Variants in NTM observed in about 807,000 individuals in gnomAD.
The protein encoded by NTM is IgLON family member 2.
In NTM, 13 loss-of-function variants were observed where a neutral mutation model predicts 42.1. The ratio of observed to expected loss-of-function variants is 0.31; its 90% CI spans 0.20 to 0.49. NTM has a LOEUF of 0.49. Ranked by LOEUF, NTM falls within the 20% of genes least tolerant of loss-of-function variation. NTM has a pLI of 0.99. For missense variants in NTM, 373 were observed against 452.8 expected, an observed-to-expected ratio of 0.82 and a Z score of 1.60; for synonymous variants, 187 against 179.2, an observed-to-expected ratio of 1.04 and a Z score of -0.35.
chr11:131,726,593 TCTC>T (rs1173663742), intron 1 of NTM, among the ~76,000 whole-genome samples: 6 of 151,160 alleles, frequency 4.0e-5, no homozygotes, highest in Admixed American at 2.6e-4. Context: ...AGCCCTAAAA[TCTC>T]CTCAGCCATC....
intron 4 of NTM, among the ~76,000 whole-genome samples, chr11:132,275,276 A>G (rs2093660843): frequency 1.3e-5 from 2 of 152,112 alleles, no homozygotes; most frequent in African/African-American, 4.8e-5. Context: ...GTCATCCTAG[A>G]ACGTGTATTG....
intron 1 of NTM, among the ~76,000 whole-genome samples, chr11:131,629,482 GGTGAAGAAAT>G (rs1010968683): frequency 3.3e-5 from 5 of 152,136 alleles, no homozygotes; most frequent in Admixed American, 6.5e-5. Flanking sequence ...GCAGCTATAT[GGTGAAGAAAT>G]GTACAGACAC....
intron 2 of NTM, among the ~76,000 whole-genome samples, chr11:131,923,621 G>A (rs532671475): frequency 1.1e-4 from 17 of 152,276 alleles, no homozygotes; most frequent in African/African-American, 3.6e-4. Context: ...GGGGTTTTAT[G>A]GAAAATCTAA....
At chr11:132,078,118 C>T (rs1305476445) in intron 2 of NTM, among the ~76,000 whole-genome samples, 1 of 152,192 alleles carries the variant, frequency 6.6e-6, no homozygotes. Flanking sequence ...CTACTTTGAA[C>T]ACCATGACAC....
At chr11:131,498,922 G>A (rs1277480538) in intron 1 of NTM, among the ~76,000 whole-genome samples, 2 of 152,190 alleles carry the variant, frequency 1.3e-5, no homozygotes, top group African/African-American at 2.4e-5. Context: ...TCAGTTCCAG[G>A]CAGGAGATGT....
intron 7 of NTM, 25 bp downstream of exon 7, chr11:132,314,728 A>C (rs1489690594): frequency 6.2e-7 from 1 of 1,600,342 alleles, no homozygotes; most frequent in Non-Finnish European, 8.5e-7. Context: ...TGAGCTGGGC[A>C]AGAAGAGGGG....
chr11:132,014,416 G>C (rs1593727772), intron 2 of NTM, among the ~76,000 whole-genome samples: 2 of 152,052 alleles, frequency 1.3e-5, no homozygotes. Context: ...CCCAGTAGTG[G>C]GATTGCTGGA....
chr11:131,672,739 T>C (rs549978395), intron 1 of NTM, among the ~76,000 whole-genome samples: 7 of 152,216 alleles, frequency 4.6e-5, no homozygotes, highest in African/African-American at 1.7e-4. Context: ...TGGAGGCTTA[T>C]GGAATTCAAA....
At chr11:131,805,802 C>A (rs936937735) in intron 1 of NTM, among the ~76,000 whole-genome samples, 8 of 152,098 alleles carry the variant, frequency 5.3e-5, no homozygotes, top group Non-Finnish European at 1.0e-4. Flanking sequence ...ATCAGAGATT[C>A]TTATATACTT....
intron 2 of NTM, among the ~76,000 whole-genome samples, chr11:132,140,154 G>T (rs1392573658): frequency 3.9e-5 from 6 of 152,128 alleles, no homozygotes; most frequent in Non-Finnish European, 5.9e-5. Flanking sequence ...CCTCTCTGAG[G>T]CCTGAGGGGC....
chr11:132,224,129 C>G (rs1446331149), intron 4 of NTM, among the ~76,000 whole-genome samples: 1 of 152,188 alleles, frequency 6.6e-6, no homozygotes, highest in Non-Finnish European at 1.5e-5. Context: ...GAAAAGGTCT[C>G]CACTTGAGGA....
At chr11:131,383,772 C>A (rs934029952) in intron 1 of NTM, among the ~76,000 whole-genome samples, 1 of 152,046 alleles carries the variant, frequency 6.6e-6, no homozygotes, top group Non-Finnish European at 1.5e-5. Flanking sequence ...GTTGTAGTGG[C>A]CAAACAACAT....
chr11:132,063,871 C>G (rs987936454), intron 2 of NTM, among the ~76,000 whole-genome samples: 1 of 152,206 alleles, frequency 6.6e-6, no homozygotes, highest in Non-Finnish European at 1.5e-5. Context: ...GCTCCTCTCA[C>G]CATCTTCACC....
chr11:131,810,806 T>C (rs1279513067), intron 1 of NTM, among the ~76,000 whole-genome samples: 1 of 152,210 alleles, frequency 6.6e-6, no homozygotes, highest in South Asian at 2.1e-4. Flanking sequence ...GTCAGCTCAG[T>C]GGAGTATTGA....
At chr11:131,614,404 G>T (rs1466527601) in intron 1 of NTM, among the ~76,000 whole-genome samples, 1 of 152,216 alleles carries the variant, frequency 6.6e-6, no homozygotes, top group Non-Finnish European at 1.5e-5. Context: ...ACAGCTCTAC[G>T]AAGGAAAATA....
chr11:132,139,343 T>C (rs920602285), intron 2 of NTM, among the ~76,000 whole-genome samples: 3 of 152,210 alleles, frequency 2.0e-5, no homozygotes, highest in Admixed American at 6.5e-5. Context: ...AAATGGCTTG[T>C]GGGAGCCGTG....
In NTM at chr11:131,449,414, G is replaced by A. The variant is rs926483347; in HGVS notation, c.82+78526G>A. On this transcript the variant is annotated intron_variant, in intron 1 of 8. Transcript: ENST00000683400. ...CATTACAGTCCAGCTTCCTCGTTGT[G>A]CAGATAAGGAGCAGAGGTCCAGTTT... 5.9e-5 allele frequency among the ~76,000 whole-genome samples: 9 copies of A among 152,198 alleles called. No homozygotes were observed. In the East Asian group the frequency reaches 1.7e-3, roughly 29 times the overall value.
chr11:131,587,862 G>A (rs1004150098), intron 1 of NTM, among the ~76,000 whole-genome samples: 1 of 152,138 alleles, frequency 6.6e-6, no homozygotes, highest in Non-Finnish European at 1.5e-5. Flanking sequence ...ACAAGTTCAG[G>A]GCTGGTGGAA....
intron 1 of NTM, among the ~76,000 whole-genome samples, chr11:131,789,902 GCC>G (rs2090647301): frequency 7.3e-6 from 1 of 137,352 alleles, no homozygotes; most frequent in Non-Finnish European, 1.5e-5. Context: ...CTTGCAGTGA[GCC>G]GAGATCGCGC....
Sources: gnomAD v4.1 joint callset for allele counts (sites outside exome capture counted in the v4.1 genomes callset) on GRCh38, gnomAD v4.1.1 for gene constraint, MANE v1.5 for transcripts, NCBI Gene and HGNC (gene_info 2026-07-23, HGNC 2026-07-21) for gene names.